The following TENM3 variants were observed in gnomAD, a reference collection of about 807,000 sequenced individuals.
TENM3 encodes teneurin-3.
Under a neutral mutation model 255.1 loss-of-function variants are expected in TENM3, and 63 were observed. That is an observed-to-expected ratio of 0.25 (90% CI 0.20 to 0.30). The LOEUF is 0.30. Among genes scored for constraint, TENM3 ranks in the 10% least tolerant of loss-of-function variants. The probability of loss-of-function intolerance (pLI) is 1.00; values close to 1 mark genes in which losing one functional copy is unlikely to be tolerated. For synonymous variants in TENM3, 1,306 were observed against 1,322.3 expected (o/e 0.99, Z 0.27); for missense variants, 2,929 against 3,461.1 (o/e 0.85, Z 3.86).
chr4:181,652,864 G>A, the TENM3 span, among the ~76,000 whole-genome samples: 18 of 151,952 alleles, frequency 1.2e-4, no homozygotes, highest in African/African-American at 4.1e-4. Context: ...CATTTACACC[G>A]AATCTTCACA....
chr4:181,803,427 T>A, the TENM3 span, among the ~76,000 whole-genome samples: 8 of 152,210 alleles, frequency 5.3e-5, no homozygotes, highest in African/African-American at 1.9e-4. Flanking sequence ...GTTAAAGGCA[T>A]CACAAATAAT....
intron 3 of TENM3, among the ~76,000 whole-genome samples, chr4:182,399,051 G>A (rs1015395904): frequency 6.6e-6 from 1 of 152,138 alleles, no homozygotes; most frequent in Non-Finnish European, 1.5e-5. Flanking sequence ...TCTGTCGGGC[G>A]ACTGAGGTAC....
intron 3 of TENM3, among the ~76,000 whole-genome samples, chr4:182,380,174 G>A (rs910355673): frequency 1.5e-4 from 23 of 152,192 alleles, no homozygotes; most frequent in African/African-American, 5.6e-4. Context: ...TCGAGGCTGA[G>A]GCATGAGAAT....
intron 3 of TENM3, among the ~76,000 whole-genome samples, chr4:182,464,900 T>C (rs1330358853): frequency 6.6e-6 from 1 of 152,188 alleles, no homozygotes; most frequent in Non-Finnish European, 1.5e-5. Context: ...TTTTTAAATA[T>C]GTCCCTTCTC....
chr4:181,510,569 T>A, the TENM3 span, among the ~76,000 whole-genome samples: 68,773 of 151,766 alleles, frequency 0.45, 16,254 homozygotes, highest in Non-Finnish European at 0.52. Flanking sequence ...ACATTTTTTT[T>A]AAAAAAAGAA....
At chr4:182,449,302 A>G (rs1055192206) in intron 3 of TENM3, among the ~76,000 whole-genome samples, 8 of 150,142 alleles carry the variant, frequency 5.3e-5, no homozygotes, top group African/African-American at 1.7e-4. Flanking sequence ...CGGAGGCAAC[A>G]TTCGCATCTG....
chr4:182,796,874 C>T, intron 27 of TENM3, 107 bp downstream of exon 27: 2 of 874,324 alleles, frequency 2.3e-6, no homozygotes, highest in South Asian at 5.3e-5. Flanking sequence ...CAGTTTTTAA[C>T]TTTTTGACTG....
intron 3 of TENM3, among the ~76,000 whole-genome samples, chr4:182,519,077 T>G (rs899009085): frequency 6.6e-6 from 1 of 152,060 alleles, no homozygotes; most frequent in Non-Finnish European, 1.5e-5. Flanking sequence ...CAGTAGCCAA[T>G]GTAGCCATCA....
At chr4:182,475,259 G>A (rs1733564392) in intron 3 of TENM3, among the ~76,000 whole-genome samples, 1 of 152,090 alleles carries the variant, frequency 6.6e-6, no homozygotes, top group East Asian at 1.9e-4. Context: ...CTAAGTTGCC[G>A]TCTTATTTGA....
At chr4:182,456,019 A>G (rs1204807515) in intron 3 of TENM3, among the ~76,000 whole-genome samples, 1 of 152,224 alleles carries the variant, frequency 6.6e-6, no homozygotes, top group African/African-American at 2.4e-5. Flanking sequence ...ACTTTGTCTC[A>G]TTCGTCCTTA....
At chr4:181,470,893 C>T in the TENM3 span, among the ~76,000 whole-genome samples, 1 of 152,108 alleles carries the variant, frequency 6.6e-6, no homozygotes, top group Non-Finnish European at 1.5e-5. Flanking sequence ...ACATCCTTGA[C>T]ATGAAATAAC....
chr4:182,752,898 T>C (rs1762470505), intron 20 of TENM3, among the ~76,000 whole-genome samples: 1 of 152,100 alleles, frequency 6.6e-6, no homozygotes, highest in African/African-American at 2.4e-5. Flanking sequence ...GTGATACATA[T>C]ACTCACAGGA....
intron 1 of TENM3, among the ~76,000 whole-genome samples, chr4:182,294,456 A>G (rs1167193901): frequency 6.6e-6 from 1 of 151,788 alleles, no homozygotes; most frequent in Non-Finnish European, 1.5e-5. Context: ...TGGGAAAGAT[A>G]GAAGTATTTG....
intron 3 of TENM3, among the ~76,000 whole-genome samples, chr4:182,575,110 T>C (rs1744792358): frequency 6.6e-6 from 1 of 151,700 alleles, no homozygotes; most frequent in Non-Finnish European, 1.5e-5. Context: ...ACAGAAGAAA[T>C]ACACACACAC....
At chr4:181,862,874 T>C in the TENM3 span, among the ~76,000 whole-genome samples, 31 of 152,094 alleles carry the variant, frequency 2.0e-4, no homozygotes, top group Non-Finnish European at 3.8e-4. Context: ...TATAAAATAG[T>C]CTATCCCATA....
chr4:181,858,920 C>T, the TENM3 span, among the ~76,000 whole-genome samples: 1 of 151,946 alleles, frequency 6.6e-6, no homozygotes, highest in Non-Finnish European at 1.5e-5. Context: ...GGGTTTGGGG[C>T]AAGGGAGTGA....
chr4:182,155,380 A>G (rs1750634333), intron 1 of TENM3, among the ~76,000 whole-genome samples: 1 of 152,148 alleles, frequency 6.6e-6, no homozygotes, highest in African/African-American at 2.4e-5. Context: ...CAGCTTCAAA[A>G]GATGGCTCTT....
the TENM3 span, among the ~76,000 whole-genome samples, chr4:181,970,808 G>A: frequency 6.6e-6 from 1 of 152,164 alleles, no homozygotes; most frequent in African/African-American, 2.4e-5. Context: ...TTCATACCAT[G>A]TATCTGGGGA....
chr4:182,186,208 G>A (rs1214544312), intron 1 of TENM3, among the ~76,000 whole-genome samples: 1 of 152,114 alleles, frequency 6.6e-6, no homozygotes, highest in East Asian at 1.9e-4. Flanking sequence ...ATGTGTGTGT[G>A]TACACAAGTC....
Sources: allele counts gnomAD v4.1 joint callset (sites outside exome capture counted in the v4.1 genomes callset), GRCh38; gene constraint gnomAD v4.1.1; transcripts MANE v1.5; gene names NCBI Gene and HGNC (gene_info 2026-07-23, HGNC 2026-07-21).